PPP2R2B: variants seen among roughly 807,000 people sequenced by gnomAD.
PPP2R2B encodes serine/threonine-protein phosphatase 2A 55 kDa regulatory subunit B beta isoform.
In PPP2R2B, 5 loss-of-function variants were observed where a neutral mutation model predicts 46.0. The observed-to-expected ratio is 0.11, with a 90% confidence interval of 0.06 to 0.23. PPP2R2B has a LOEUF of 0.23. Among genes scored for constraint, PPP2R2B ranks in the 10% least tolerant of loss-of-function variants. The pLI, the probability that PPP2R2B is intolerant of heterozygous loss-of-function variation, is 1.00. For missense variants in PPP2R2B, 367 were observed against 575.0 expected (o/e 0.64, Z 3.70); for synonymous variants, 215 against 206.7 (o/e 1.04, Z -0.34).
intron 2 of PPP2R2B, among the ~76,000 whole-genome samples, chr5:146,731,406 T>G (rs2151206276): frequency 6.6e-6 from 1 of 152,308 alleles, no homozygotes; most frequent in South Asian, 2.1e-4. Context: ...AATGGAAAAT[T>G]AAAATTATTT....
chr5:146,666,465 T>G (rs994308446), intron 5 of PPP2R2B, among the ~76,000 whole-genome samples: 4 of 152,248 alleles, frequency 2.6e-5, no homozygotes, highest in South Asian at 4.1e-4. Flanking sequence ...GATTCTTCAG[T>G]CTGCACTGGA....
intron 2 of PPP2R2B, among the ~76,000 whole-genome samples, chr5:146,820,593 G>A (rs189108999): frequency 6.6e-6 from 1 of 152,276 alleles, no homozygotes; most frequent in Non-Finnish European, 1.5e-5. Context: ...AAAACGCCAT[G>A]CTGTTTGGGG....
chr5:147,023,990 C>T (rs1286497207), intron 1 of PPP2R2B, among the ~76,000 whole-genome samples: 3 of 152,218 alleles, frequency 2.0e-5, no homozygotes, highest in Admixed American at 2.0e-4. Flanking sequence ...AGGTCCTGCA[C>T]CTGGGGCTCG....
intron 9 of PPP2R2B, 131 bp downstream of exon 9, chr5:146,592,840 C>T: frequency 1.3e-6 from 1 of 788,264 alleles, no homozygotes; most frequent in Middle Eastern, 2.3e-4. Context: ...TAGGGGCCCA[C>T]ATTATGCATT....
intron 9 of PPP2R2B, among the ~76,000 whole-genome samples, chr5:146,590,712 G>A (rs550131731): frequency 1.4e-4 from 22 of 152,270 alleles, no homozygotes; most frequent in African/African-American, 5.3e-4. Context: ...CATGGCATCA[G>A]TGCAGTGAGG....
At chr5:146,968,592 A>G (rs972450611) in intron 1 of PPP2R2B, among the ~76,000 whole-genome samples, 2 of 152,236 alleles carry the variant, frequency 1.3e-5, no homozygotes, top group Non-Finnish European at 2.9e-5. Context: ...TGAAGTGTCA[A>G]TAATAGAAGA....
At chr5:147,054,264 C>G (rs533846467) in intron 1 of PPP2R2B, among the ~76,000 whole-genome samples, 1 of 152,258 alleles carries the variant, frequency 6.6e-6, no homozygotes, top group East Asian at 1.9e-4. Context: ...GAGGACCAAT[C>G]AGAAATACAA....
chr5:146,835,953 A>T (rs189671097), intron 2 of PPP2R2B, among the ~76,000 whole-genome samples: 42 of 152,302 alleles, frequency 2.8e-4, no homozygotes, highest in African/African-American at 9.9e-4. Context: ...GGGACCAATT[A>T]TGAAACTTTC....
Position 146,584,550 on chromosome 5 carries a change from T to A in PPP2R2B, c.*5397A>T, listed in dbSNP as rs1298928019. On this transcript the variant is annotated 3_prime_UTR_variant, in exon 10 of 10. Coordinates refer to ENST00000394411, the MANE Select transcript of PPP2R2B (RefSeq NM_181675.4). Reference sequence around the variant, plus strand: ...GATCTAGATAAAACTTCCTGCTACGTCATCTAACCCTTTTGAGTCTGTTTC... The same window carrying A: ...GATCTAGATAAAACTTCCTGCTACGACATCTAACCCTTTTGAGTCTGTTTC... 2.0e-5 allele frequency: 3 copies of A among 152,198 alleles called. No homozygotes were observed. The highest frequency in any genetic ancestry group is 7.2e-5 in the African/African-American group (3 of 41,456). The allele number at this position is 152,198 out of a possible 1,614,324, so 9.4% of individuals were successfully genotyped here. A position where few individuals can be genotyped will look rare whatever the true frequency, so the allele number is the denominator to read the frequency against.
At chr5:146,705,548 G>T (rs146061258) in intron 2 of PPP2R2B, among the ~76,000 whole-genome samples, 1 of 152,120 alleles carries the variant, frequency 6.6e-6, no homozygotes, top group East Asian at 1.9e-4. Context: ...AAACAAACGG[G>T]ATTCTTAGGT....
chr5:146,632,557 A>T (rs1215496091), intron 7 of PPP2R2B, among the ~76,000 whole-genome samples: 1 of 152,214 alleles, frequency 6.6e-6, no homozygotes, highest in Admixed American at 6.5e-5. Context: ...GTAATTAGTG[A>T]GATAAAGTCC....
intron 2 of PPP2R2B, among the ~76,000 whole-genome samples, chr5:146,730,166 G>C (rs1752141986): frequency 6.6e-6 from 1 of 152,198 alleles, no homozygotes; most frequent in African/African-American, 2.4e-5. Context: ...TCATTTTGGA[G>C]CTTTAAAATT....
chr5:147,018,305 G>T (rs990014899), intron 1 of PPP2R2B, among the ~76,000 whole-genome samples: 1 of 152,100 alleles, frequency 6.6e-6, no homozygotes, highest in South Asian at 2.1e-4. Flanking sequence ...CTATCATCCA[G>T]TCATGACATA....
chr5:147,002,705 G>T (rs186955036), intron 1 of PPP2R2B, among the ~76,000 whole-genome samples: 5 of 152,022 alleles, frequency 3.3e-5, no homozygotes. Flanking sequence ...GTCGGTGGGC[G>T]CAACTCTTCT....
intron 2 of PPP2R2B, among the ~76,000 whole-genome samples, chr5:146,802,798 G>T (rs1021649607): frequency 6.6e-6 from 1 of 152,126 alleles, no homozygotes; most frequent in African/African-American, 2.4e-5. Flanking sequence ...TTACAAAAAA[G>T]GAGATCAAGC....
At chr5:146,969,323 C>T (rs1328843731) in intron 1 of PPP2R2B, among the ~76,000 whole-genome samples, 2 of 152,104 alleles carry the variant, frequency 1.3e-5, no homozygotes, top group Non-Finnish European at 2.9e-5. Context: ...AACCAGATCA[C>T]AGAAACTTTT....
At chr5:147,044,213 G>T (rs1402463300) in intron 1 of PPP2R2B, among the ~76,000 whole-genome samples, 1 of 151,970 alleles carries the variant, frequency 6.6e-6, no homozygotes, top group East Asian at 1.9e-4. Context: ...AGGGCCTCAG[G>T]TTTCTTATTT....
intron 2 of PPP2R2B, among the ~76,000 whole-genome samples, chr5:146,815,313 T>C (rs1757865059): frequency 6.6e-6 from 1 of 152,244 alleles, no homozygotes; most frequent in African/African-American, 2.4e-5. Flanking sequence ...AACCCGGATT[T>C]CCTCTTCCAA....
chr5:146,651,991 T>G (rs1224096618), intron 5 of PPP2R2B, among the ~76,000 whole-genome samples: 1 of 152,166 alleles, frequency 6.6e-6, no homozygotes. Context: ...ACAGATGTGG[T>G]ACTTGATAAC....
Sources: gnomAD v4.1 joint callset for allele counts (sites outside exome capture counted in the v4.1 genomes callset) on GRCh38, gnomAD v4.1.1 for gene constraint, MANE v1.5 for transcripts, NCBI Gene and HGNC (gene_info 2026-07-23, HGNC 2026-07-21) for gene names.